CCDC14: variants seen among roughly 807,000 people sequenced by gnomAD.
The protein encoded by CCDC14 is coiled-coil domain-containing protein 14.
In CCDC14, 71 loss-of-function variants were observed where a neutral mutation model predicts 81.4. The ratio of observed to expected loss-of-function variants is 0.87; its 90% CI spans 0.72 to 1.06. CCDC14 has a LOEUF of 1.06. CCDC14 is among the 50% of genes least tolerant of loss of function. The pLI is 0.00. For missense variants in CCDC14, 1,046 were observed against 1,047.3 expected, an observed-to-expected ratio of 1.00 and a Z score of 0.02; for synonymous variants, 332 against 364.8, an observed-to-expected ratio of 0.91 and a Z score of 1.03.
chr3:123,940,995 C>T (rs1261375106), intron 9 of CCDC14, among the ~76,000 whole-genome samples: 1 of 152,086 alleles, frequency 6.6e-6, no homozygotes, highest in Non-Finnish European at 1.5e-5. Context: ...AGAACCTGAA[C>T]ATCATCCTTG....
intron 10 of CCDC14, 59 bp from the exon 11 acceptor site, chr3:123,931,585 A>G (rs2271969): frequency 0.57 from 475,959 of 834,414 alleles, 146,873 homozygotes; most frequent in Non-Finnish European, 0.64. Flanking sequence ...ACAAACTTGG[A>G]AAATACCTGT....
intron 9 of CCDC14, among the ~76,000 whole-genome samples, chr3:123,943,092 G>A (rs537855133): frequency 1.2e-4 from 18 of 151,506 alleles, no homozygotes; most frequent in African/African-American, 3.9e-4. Flanking sequence ...TGTGGTGTGT[G>A]TGTATGTTTA....
chr3:123,933,693 G>A lies in CCDC14; in HGVS notation c.1406C>T (p.Ala469Val). 6.4e-7 allele frequency: 1 copy of A among 1,573,720 alleles called. No homozygotes were observed. The highest frequency in any genetic ancestry group is 2.3e-5 in the East Asian group (1 of 43,802). The change falls in exon 10 of 13, where the codon GCT becomes GTT. Residue 469 changes from alanine to valine, a missense_variant. Transcript: ENST00000409697. ...EQQKTQKPSG[A>V]VDCNLELFSL... is the part of the protein sequence containing the mutation. Reference sequence around the variant, plus strand: ...CCTACATTCAAGGTTGCAATCCACAGCACCAGATGGTTTTTGAGTTTTCTG... The same window carrying A: ...CCTACATTCAAGGTTGCAATCCACAACACCAGATGGTTTTTGAGTTTTCTG...
At chr3:123,960,685 T>C (rs1036258679) in intron 1 of CCDC14, among the ~76,000 whole-genome samples, 1 of 152,226 alleles carries the variant, frequency 6.6e-6, no homozygotes, top group Non-Finnish European at 1.5e-5. Context: ...TTGTTGTATG[T>C]CTACAACAAC....
At chr3:123,892,022 G>A in the CCDC14 span, among the ~76,000 whole-genome samples, 128,358 of 152,182 alleles carry the variant, frequency 0.84, 54,498 homozygotes, top group East Asian at 0.96. Context: ...GCTTGTGCAG[G>A]GAAACTCCCA....
At chr3:123,935,006 G>A (rs2035978596) in intron 9 of CCDC14, among the ~76,000 whole-genome samples, 1 of 152,086 alleles carries the variant, frequency 6.6e-6, no homozygotes, top group Admixed American at 6.5e-5. Context: ...TTTGAAACCT[G>A]TAGAATTAAA....
downstream of CCDC14, among the ~76,000 whole-genome samples, chr3:123,894,032 A>G (rs1475877986): frequency 6.6e-6 from 1 of 152,218 alleles, no homozygotes; most frequent in African/African-American, 2.4e-5. Context: ...TACCAAAGAA[A>G]CTATTGCTAA....
At chr3:123,944,403 A>G (rs1019668418) in intron 9 of CCDC14, among the ~76,000 whole-genome samples, 1 of 152,074 alleles carries the variant, frequency 6.6e-6, no homozygotes, top group Non-Finnish European at 1.5e-5. Flanking sequence ...TCTTTTTCCT[A>G]GACAACACAT....
chr3:123,931,699 T>A (rs772162925), intron 10 of CCDC14, among the ~76,000 whole-genome samples, 173 bp from the exon 11 acceptor site: 25 of 152,310 alleles, frequency 1.6e-4, no homozygotes, highest in Non-Finnish European at 3.5e-4. Flanking sequence ...TAAAAATGAT[T>A]GGCAGAAGTC....
intron 9 of CCDC14, among the ~76,000 whole-genome samples, chr3:123,939,444 TC>T (rs1461423524): frequency 9.5e-6 from 1 of 105,800 alleles, no homozygotes; most frequent in African/African-American, 3.1e-5. Context: ...CTGACACAGA[TC>T]TTTTTTTTTT....
intron 5 of CCDC14, among the ~76,000 whole-genome samples, chr3:123,950,125 T>C (rs2148936173): frequency 6.6e-6 from 1 of 152,350 alleles, no homozygotes; most frequent in South Asian, 2.1e-4. Context: ...TAGGTCCCCT[T>C]CCCAAAGGTT....
intron 12 of CCDC14, among the ~76,000 whole-genome samples, chr3:123,916,825 T>TA (rs2148791122): frequency 6.6e-6 from 1 of 152,208 alleles, no homozygotes; most frequent in East Asian, 1.9e-4. Flanking sequence ...TTAGTAGTCC[T>TA]ATTAAGGCCA....
intron 1 of CCDC14, among the ~76,000 whole-genome samples, chr3:123,959,080 T>C (rs768472047): frequency 2.0e-5 from 3 of 152,230 alleles, no homozygotes; most frequent in Non-Finnish European, 4.4e-5. Flanking sequence ...ATTTGGCTAT[T>C]GTGAATAGTG....
the CCDC14 span, among the ~76,000 whole-genome samples, chr3:123,886,153 C>T: frequency 0.15 from 19,933 of 131,448 alleles, 2,327 homozygotes; most frequent in East Asian, 0.36. Context: ...TTTTTTTTTT[C>T]TCTCTCTCTC....
intron 7 of CCDC14, 26 bp from the exon 8 acceptor site, chr3:123,947,345 C>T (rs17375977): frequency 0.58 from 901,068 of 1,566,560 alleles, 272,662 homozygotes; most frequent in Non-Finnish European, 0.63. Flanking sequence ...AACAAGTCTT[C>T]AGAAGTATGA....
intron 9 of CCDC14, among the ~76,000 whole-genome samples, chr3:123,941,133 G>A (rs1292114565): frequency 1.3e-5 from 2 of 151,922 alleles, no homozygotes; most frequent in African/African-American, 4.8e-5. Context: ...CTCTTAACTG[G>A]AGGTAATACC....
Position 123,913,440 on chromosome 3 carries a change from AT to A in CCDC14, c.*1338del, listed in dbSNP as rs1156636722. 2 of 980,476 alleles carry A rather than the reference AT, an allele frequency of 2.0e-6. No individual in the cohort carries two copies. The highest frequency in any genetic ancestry group is 2.4e-6 in the Non-Finnish European group (2 of 825,728). The allele number at this position is 980,476 out of a possible 1,614,324, so 60.7% of individuals were successfully genotyped here. On this transcript the variant is annotated 3_prime_UTR_variant, in exon 13 of 13. Coordinates refer to ENST00000409697, the MANE Select transcript of CCDC14 (RefSeq NM_001366335.1). Reference sequence around the variant, plus strand: ...GACACAATTTTTTTCCTTTTTTATTATTTTTTATTTCTGAACTTATTTGTTA... The same window carrying A: ...GACACAATTTTTTTCCTTTTTTATTATTTTTATTTCTGAACTTATTTGTTA...
chr3:123,946,819 G>T lies in CCDC14; in HGVS notation c.1185C>A (p.Ala395=). The T allele has an allele frequency of 9.3e-6, 15 of 1,613,254 alleles. No homozygotes were observed. The highest frequency in any genetic ancestry group is 1.2e-5 in the Non-Finnish European group (14 of 1,179,614). The stretch of plus-strand genomic sequence containing the variant: ...CCCATCTACCTTGTTCTGCTACCAG[G>T]GCCTTGAGCTCTCCCAACAAATATT... ...IIKYLLGELK[A]LVAEQEDSEI... The change falls in exon 8 of 13, where the codon GCC becomes GCA. Residue 395 remains alanine (A), a synonymous_variant. Transcript: ENST00000409697.
intron 12 of CCDC14, among the ~76,000 whole-genome samples, chr3:123,927,493 T>C (rs533801880): frequency 1.3e-5 from 2 of 152,242 alleles, no homozygotes; most frequent in South Asian, 2.1e-4. Flanking sequence ...CTTTAGAAAA[T>C]GTAGGGATAG....
Sources: gnomAD v4.1 joint callset for allele counts (sites outside exome capture counted in the v4.1 genomes callset) on GRCh38, gnomAD v4.1.1 for gene constraint, MANE v1.5 for transcripts, NCBI Gene and HGNC (gene_info 2026-07-23, HGNC 2026-07-21) for gene names.